Variants in CLMN observed in about 807,000 individuals in gnomAD.
CLMN encodes calmin.
CLMN carries 57 observed loss-of-function variants against 92.7 expected under a neutral mutation model. That is an observed-to-expected ratio of 0.61 (90% CI 0.50 to 0.77). CLMN has a LOEUF of 0.77. CLMN is among the 30% of genes least tolerant of loss of function. CLMN has a pLI of 0.00. For synonymous variants in CLMN, 466 were observed against 470.6 expected, an observed-to-expected ratio of 0.99 and a Z score of 0.13; for missense variants, 1,158 against 1,237.5, an observed-to-expected ratio of 0.94 and a Z score of 0.96.
At chr14:95,292,858 G>A (rs922088646) in intron 1 of CLMN, among the ~76,000 whole-genome samples, 44 of 152,136 alleles carry the variant, frequency 2.9e-4, no homozygotes, top group African/African-American at 1.0e-3. Flanking sequence ...TGCCCGGTGT[G>A]GGTCTGCTCC....
intron 1 of CLMN, among the ~76,000 whole-genome samples, chr14:95,303,741 A>G (rs1012988175): frequency 7.2e-5 from 11 of 152,230 alleles, no homozygotes; most frequent in African/African-American, 2.7e-4. Flanking sequence ...GGATGATGGC[A>G]GCACCCATTT....
At chr14:95,239,571 T>A (rs7146863) in intron 1 of CLMN, among the ~76,000 whole-genome samples, 20,714 of 152,100 alleles carry the variant, frequency 0.14, 2,469 homozygotes, top group African/African-American at 0.31. Context: ...TCGAGCAACA[T>A]CTAAAGCAGT....
chr14:95,300,357 C>T (rs1424492187), intron 1 of CLMN, among the ~76,000 whole-genome samples: 1 of 152,200 alleles, frequency 6.6e-6, no homozygotes, highest in East Asian at 1.9e-4. Flanking sequence ...GGAGCTGAGC[C>T]TGTTTTAAAA....
chr14:95,202,904 T>C lies in CLMN; in HGVS notation c.2445A>G (p.Pro815=). 6.3e-7 allele frequency: 1 copy of C among 1,586,228 alleles called. No individual in the cohort carries two copies. The highest frequency in any genetic ancestry group is 2.2e-5 in the East Asian group (1 of 44,698). The change falls in exon 9 of 13, where the codon CCA becomes CCG. Residue 815 remains proline, a synonymous_variant. Transcript: ENST00000298912. ...VGTTPASEPA[P]LAPHEDHQQR... ...GCTGGTGGTCCTCATGGGGGGCCAG[T>C]GGAGCGGGTTCTGAGGCTGGTGTGG...
chr14:95,200,181 C>T (rs923509215), intron 9 of CLMN, among the ~76,000 whole-genome samples: 5 of 152,046 alleles, frequency 3.3e-5, no homozygotes, highest in African/African-American at 1.2e-4. Flanking sequence ...ACTTCCTCCC[C>T]AGTTCTAGGC....
At position 95,310,524 on chromosome 14, in the gene CLMN, C is replaced by T. The variant is rs537728762; in HGVS notation, c.82+9187G>A. 2.6e-5 allele frequency among the ~76,000 whole-genome samples: 4 copies of T among 152,328 alleles called. No homozygotes were observed. The East Asian group carries it at 5.8e-4, about 22-fold the overall frequency. On this transcript the variant is annotated intron_variant, in intron 1 of 12. Transcript: ENST00000298912. ...TACCAAGGAAGAGGACATATTCACC[C>T]GTTTGGGGGATTAGGATGTGGACAT...
rs1394904667 is a variant in CLMN at position 95,215,690 on chromosome 14, T to C, written c.368A>G (p.Asn123Ser). 14 of 1,614,000 alleles carry C rather than the reference T, an allele frequency of 8.7e-6. No homozygotes were observed. Among genetic ancestry groups the C allele is most frequent in the Non-Finnish European group, 1.2e-5 (14 of 1,180,036 alleles). The change falls in exon 5 of 13, where the codon AAC becomes AGC. Residue 123 changes from asparagine (N) to serine (S), a missense_variant. Physicochemically the swap from Asn to Ser is conservative, Grantham distance 46. Transcript: ENST00000298912. ...SIDAAEIADG[N>S]PSLVLGLIWN... ...TATCAGCCCAAGAACCAAAGAAGGG[T>C]TGCCATCTGCTATTTCTGCTGCATC...
At chr14:95,231,035 T>C (rs1897868908) in intron 1 of CLMN, among the ~76,000 whole-genome samples, 1 of 152,084 alleles carries the variant, frequency 6.6e-6, no homozygotes, top group African/African-American at 2.4e-5. Flanking sequence ...TTTCCATTCA[T>C]CTTTAAACCT....
intron 1 of CLMN, among the ~76,000 whole-genome samples, chr14:95,274,004 C>T (rs1466284334): frequency 1.3e-5 from 2 of 152,204 alleles, no homozygotes; most frequent in Non-Finnish European, 2.9e-5. Flanking sequence ...GCATCCCCTT[C>T]GGTTATTAAA....
rs761123039 is a variant in CLMN at position 95,223,819 on chromosome 14, C to T, written c.181G>A (p.Asp61Asn). The change falls in exon 3 of 13, where the codon GAT becomes AAT. Residue 61 changes from aspartate (D) to asparagine (N), a missense_variant. Transcript: ENST00000298912. ...PPLEVKDLFV[D>N]IQDGKILMAL... ...ATTAGGATTTTGCCATCTTGTATAT[C>T]GACGAATAAATCTTTAACTTCTAGA... 9 of 1,613,580 alleles carry T rather than the reference C, an allele frequency of 5.6e-6. No individual in the cohort carries two copies. Among genetic ancestry groups the T allele is most frequent in the South Asian group, 3.3e-5 (3 of 90,954 alleles).
chr14:95,285,648 G>A (rs1900312967), intron 1 of CLMN, among the ~76,000 whole-genome samples: 1 of 152,184 alleles, frequency 6.6e-6, no homozygotes, highest in South Asian at 2.1e-4. Flanking sequence ...ATAACTGGAG[G>A]ATCTGAGAAA....
chr14:95,245,236 T>A (rs1206049726), intron 1 of CLMN, among the ~76,000 whole-genome samples: 3 of 31,826 alleles, frequency 9.4e-5, no homozygotes, highest in African/African-American at 4.3e-4. Context: ...TATATATATA[T>A]ATTATATATA....
intron 1 of CLMN, among the ~76,000 whole-genome samples, chr14:95,239,197 T>C (rs1018712994): frequency 3.3e-5 from 5 of 152,250 alleles, no homozygotes; most frequent in African/African-American, 1.2e-4. Flanking sequence ...AGACAAGGAT[T>C]GAAATAGTAC....
intron 1 of CLMN, among the ~76,000 whole-genome samples, chr14:95,242,574 C>CTTTCTTTTTTTTTT (rs749024477): frequency 0.077 from 9,196 of 119,438 alleles, 530 homozygotes; most frequent in African/African-American, 0.13. Flanking sequence ...ATCTCTTTTT[C>CTTTCTTTTTTTTTT]TTTTTTTTTG....
chr14:95,278,466 C>T (rs986062379), intron 1 of CLMN, among the ~76,000 whole-genome samples: 1 of 148,078 alleles, frequency 6.8e-6, no homozygotes, highest in East Asian at 2.2e-4. Flanking sequence ...AAGATAATTT[C>T]TAACAGCCCG....
chr14:95,199,859 G>A (rs1011295598), intron 9 of CLMN, among the ~76,000 whole-genome samples: 20 of 152,230 alleles, frequency 1.3e-4, no homozygotes, highest in African/African-American at 4.8e-4. Context: ...GTCTGGGGGT[G>A]TGGGAGGATG....
chr14:95,278,266 A>G (rs1900009335), intron 1 of CLMN, among the ~76,000 whole-genome samples: 1 of 152,242 alleles, frequency 6.6e-6, no homozygotes, highest in Admixed American at 6.5e-5. Flanking sequence ...GAGTTTGGGA[A>G]TAAGAGATTT....
At chr14:95,258,278 C>T (rs771503340) in intron 1 of CLMN, among the ~76,000 whole-genome samples, 11 of 135,840 alleles carry the variant, frequency 8.1e-5, no homozygotes, top group Admixed American at 2.2e-4. Flanking sequence ...CATGTGGGGG[C>T]GTGTGTGTGG....
intron 1 of CLMN, among the ~76,000 whole-genome samples, chr14:95,239,529 T>C (rs1401108561): frequency 6.6e-6 from 1 of 152,216 alleles, no homozygotes; most frequent in Admixed American, 6.5e-5. Context: ...CCCAATGTTT[T>C]TGTGAAAGTG....
Sources: allele counts gnomAD v4.1 joint callset (sites outside exome capture counted in the v4.1 genomes callset), GRCh38; gene constraint gnomAD v4.1.1; transcripts MANE v1.5; gene names NCBI Gene and HGNC (gene_info 2026-07-23, HGNC 2026-07-21).